Variants in RORA observed in about 807,000 individuals in gnomAD.
The protein encoded by RORA is nuclear receptor ROR-alpha.
A neutral mutation model predicts 69.5 loss-of-function variants in RORA; 7 were observed. That is an observed-to-expected ratio of 0.10 (90% CI 0.06 to 0.19). The LOEUF (loss-of-function observed/expected upper bound fraction) is 0.19. RORA is among the 10% of genes least tolerant of loss of function. The pLI, the probability that RORA is intolerant of heterozygous loss-of-function variation, is 1.00. For missense variants in RORA, 457 were observed against 663.0 expected (o/e 0.69, Z 3.41); for synonymous variants, 261 against 240.8 (o/e 1.08, Z -0.78).
Position 61,131,964 on chromosome 15 carries a change from G to A in RORA, c.166+97089C>T, listed in dbSNP as rs1260299856. On this transcript the variant is annotated intron_variant, in intron 1 of 10. Coordinates refer to ENST00000335670, the MANE Select transcript of RORA (RefSeq NM_134261.3). This position sits in a 1 kb window ranked among gnomAD's most constrained non-coding sequence, Gnocchi z 4.2. ...TGTAACCCTGATTACTAGTGGAGAT[G>A]GAACTTATGGGTAGAATTCATGCCC... 1.3e-5 allele frequency among the ~76,000 whole-genome samples: 2 copies of A among 152,232 alleles called. No homozygotes were observed. The highest frequency in any genetic ancestry group is 2.9e-5 in the Non-Finnish European group (2 of 68,042).
At chr15:60,582,387 T>C (rs1198511746) in intron 2 of RORA, among the ~76,000 whole-genome samples, 1 of 152,174 alleles carries the variant, frequency 6.6e-6, no homozygotes, top group Admixed American at 6.5e-5. Context: ...ATAGAAACAC[T>C]TTCATAGAAC....
At chr15:60,769,802 C>T (rs1322185490) in intron 1 of RORA, among the ~76,000 whole-genome samples, 1 of 152,170 alleles carries the variant, frequency 6.6e-6, no homozygotes, top group Non-Finnish European at 1.5e-5. Flanking sequence ...TAATTAGCCA[C>T]CCATTGTCCC....
Position 60,516,873 on chromosome 15 carries a change from C to G in RORA, c.283-2116G>C, listed in dbSNP as rs577533737. 6.6e-5 allele frequency among the ~76,000 whole-genome samples: 10 copies of G among 152,092 alleles called. No homozygotes were observed. The South Asian group carries it at 2.1e-3, about 32-fold the overall frequency. ...TATTGTATACTCATACAATGGGATT[C>G]AACCACTACAAATGGTATTTCAGAA... On this transcript the variant is annotated intron_variant, in intron 3 of 10. Transcript: ENST00000335670.
At chr15:61,219,067 A>G (rs561899451) in intron 1 of RORA, among the ~76,000 whole-genome samples, 1 of 152,318 alleles carries the variant, frequency 6.6e-6, no homozygotes, top group South Asian at 2.1e-4. Context: ...AGAGCATGAG[A>G]CTTGGACACT....
intron 1 of RORA, among the ~76,000 whole-genome samples, chr15:60,890,594 G>A (rs2073803345): frequency 6.6e-6 from 1 of 152,246 alleles, no homozygotes; most frequent in South Asian, 2.1e-4. Context: ...ACCAGAGAGA[G>A]CAGTGGTGAT....
intron 1 of RORA, among the ~76,000 whole-genome samples, chr15:60,853,696 C>T (rs148908084): frequency 1.3e-5 from 2 of 152,284 alleles, no homozygotes; most frequent in African/African-American, 4.8e-5. Context: ...TGTGGCCCAG[C>T]AAGGGCAACC....
In RORA at chr15:61,199,313, A is replaced by G. The variant is rs180675212; in HGVS notation, c.166+29740T>C. The stretch of plus-strand genomic sequence containing the variant: ...CTTCTTTTCCTCATGGACTCCTGGA[A>G]CAAAGCAGATATTCAATAAATGAAT... On this transcript the variant is annotated intron_variant, in intron 1 of 10. Transcript: ENST00000335670. Among the ~76,000 whole-genome samples the G allele has an allele frequency of 1.4e-4, 21 of 152,316 alleles. No homozygotes were observed. In the East Asian group the frequency reaches 4.0e-3, roughly 29 times the overall value.
intron 1 of RORA, among the ~76,000 whole-genome samples, chr15:61,169,390 T>C (rs566715303): frequency 6.6e-6 from 1 of 152,196 alleles, no homozygotes; most frequent in African/African-American, 2.4e-5. Context: ...CTGCCTGGTA[T>C]CCTCTGCCTA....
At chr15:60,784,451 G>C (rs1042033387) in intron 1 of RORA, among the ~76,000 whole-genome samples, 5 of 152,180 alleles carry the variant, frequency 3.3e-5, no homozygotes, top group Non-Finnish European at 7.3e-5. Flanking sequence ...TTCAAACTGT[G>C]CTGCACAACC....
At chr15:60,640,503 C>T (rs755961566) in intron 2 of RORA, among the ~76,000 whole-genome samples, 2 of 152,176 alleles carry the variant, frequency 1.3e-5, no homozygotes, top group African/African-American at 4.8e-5. Flanking sequence ...AAAACCCTCC[C>T]GTGGCTGAAC....
At chr15:60,951,501 G>A (rs1243040562) in intron 1 of RORA, among the ~76,000 whole-genome samples, 2 of 151,314 alleles carry the variant, frequency 1.3e-5, no homozygotes, top group African/African-American at 2.4e-5. Context: ...GAATCCAGGA[G>A]CTGGTTTTTT....
chr15:60,989,947 T>C lies in RORA; in HGVS notation c.166+239106A>G, dbSNP rs114698291. Among the ~76,000 whole-genome samples, 646 of 152,328 alleles carry C rather than the reference T, an allele frequency of 4.2e-3. 5 individuals carry two copies. Among genetic ancestry groups the C allele is most frequent in the African/African-American group, 0.014 (594 of 41,574 alleles). On this transcript the variant is annotated intron_variant, in intron 1 of 10. Transcript: ENST00000335670. ...CATTCACAGGTCCACCCACTATACT[T>C]AGAACTTCTTTGGCTAAAAATTCTG...
At chr15:60,612,659 C>CTTTTTTTTTT (rs1567123636) in intron 2 of RORA, among the ~76,000 whole-genome samples, 1 of 117,328 alleles carries the variant, frequency 8.5e-6, no homozygotes. Context: ...CTCTCTCTCT[C>CTTTTTTTTTT]TGTTTTTTTT....
intron 3 of RORA, among the ~76,000 whole-genome samples, chr15:60,517,199 C>T (rs997965733): frequency 1.3e-5 from 2 of 150,442 alleles, no homozygotes; most frequent in Non-Finnish European, 2.9e-5. Flanking sequence ...TTTGTAATGG[C>T]TGGGGGCCTT....
At chr15:60,741,129 C>A (rs1042500293) in intron 1 of RORA, among the ~76,000 whole-genome samples, 2 of 152,202 alleles carry the variant, frequency 1.3e-5, no homozygotes, top group African/African-American at 4.8e-5. Context: ...ATGCTTCAAG[C>A]AGCTAATGTT....
At chr15:60,883,941 C>T (rs948085594) in intron 1 of RORA, among the ~76,000 whole-genome samples, 6 of 152,230 alleles carry the variant, frequency 3.9e-5, no homozygotes, top group Non-Finnish European at 7.3e-5. Context: ...CTTTGTCAAA[C>T]TGGTTTTCTC....
chr15:60,862,882 A>C (rs1267251079), intron 1 of RORA, among the ~76,000 whole-genome samples: 1 of 152,216 alleles, frequency 6.6e-6, no homozygotes, highest in Non-Finnish European at 1.5e-5. Flanking sequence ...ATGAGCTTTT[A>C]GTGTCATGAT....
At chr15:60,757,206 T>G (rs2140868143) in intron 1 of RORA, among the ~76,000 whole-genome samples, 1 of 152,282 alleles carries the variant, frequency 6.6e-6, no homozygotes, top group East Asian at 1.9e-4. Flanking sequence ...TCTTTGCACC[T>G]TCTCTAAAAC....
In RORA at chr15:60,534,669, C is replaced by G. The variant is rs2066624817; in HGVS notation, c.197-2818G>C. Among the ~76,000 whole-genome samples, 1 of 152,060 alleles carries G rather than the reference C, an allele frequency of 6.6e-6. No individual in the cohort carries two copies. The highest frequency in any genetic ancestry group is 2.1e-4 in the South Asian group (1 of 4,806). ...GTTAAACTATTCTCCTAGGCTTCCT[C>G]CTGCTTGGTTCTCTTATCTCAGATG... On this transcript the variant is annotated intron_variant, in intron 2 of 10. Coordinates refer to ENST00000335670, the MANE Select transcript of RORA (RefSeq NM_134261.3). The surrounding 1 kb of genome is among the most constrained non-coding windows in gnomAD (Gnocchi z 5.0).
Sources: allele counts gnomAD v4.1 joint callset (sites outside exome capture counted in the v4.1 genomes callset), GRCh38; gene constraint gnomAD v4.1.1; non-coding constraint Gnocchi (gnomAD v3.1); transcripts MANE v1.5; gene names NCBI Gene and HGNC (gene_info 2026-07-23, HGNC 2026-07-21).